Variants in NAV1 observed in about 807,000 individuals in gnomAD.
NAV1 encodes neuron navigator 1.
In NAV1, 18 loss-of-function variants were observed where a neutral mutation model predicts 175.2. That is an observed-to-expected ratio of 0.10 (90% CI 0.07 to 0.15). The LOEUF is 0.15. Ranked by LOEUF, NAV1 falls within the 10% of genes least tolerant of loss-of-function variation. The pLI is 1.00. For missense variants in NAV1, 1,731 were observed against 2,436.6 expected, an observed-to-expected ratio of 0.71 and a Z score of 6.10; for synonymous variants, 897 against 978.7, an observed-to-expected ratio of 0.92 and a Z score of 1.56.
Position 201,687,042 on chromosome 1 carries a change from G to A in NAV1, c.758-25775G>A, listed in dbSNP as rs1215740656. Among the ~76,000 whole-genome samples, 3 of 152,202 alleles carry A rather than the reference G, an allele frequency of 2.0e-5. No homozygotes were observed. In the East Asian group the frequency reaches 5.8e-4, roughly 29 times the overall value. ...GCTCCTTGCCAGCTTCATCTTAAAT[G>A]CTTTTTCCTTTCTCCCTTCAGAAGT... On this transcript the variant is annotated intron_variant, in intron 1 of 29. Coordinates refer to ENST00000367296, the Ensembl canonical transcript of NAV1.
At chr1:201,755,305 G>T (rs769796040) in intron 3 of NAV1, among the ~76,000 whole-genome samples, 2 of 152,192 alleles carry the variant, frequency 1.3e-5, no homozygotes, top group African/African-American at 2.4e-5. Context: ...GCCAGGCATG[G>T]TGGCACAGGC....
chr1:201,565,197 G>A (rs991356149), intron 1 of NAV1, among the ~76,000 whole-genome samples: 1 of 152,030 alleles, frequency 6.6e-6, no homozygotes, highest in African/African-American at 2.4e-5. Flanking sequence ...TTTTAAAAAA[G>A]GTAATAAATG....
chr1:201,600,652 A>T (rs1251170961), intron 2 of NAV1, among the ~76,000 whole-genome samples: 2 of 152,122 alleles, frequency 1.3e-5, no homozygotes, highest in African/African-American at 4.8e-5. Context: ...ATAAAAACTC[A>T]AAAAAATAGG....
chr1:201,782,936 C>G lies in NAV1; in HGVS notation c.2357+67C>G, dbSNP rs1676427720. The G allele has an allele frequency of 7.2e-7, 1 of 1,386,276 alleles. No homozygotes were observed. Among genetic ancestry groups the G allele is most frequent in the Admixed American group, 2.3e-5 (1 of 43,476 alleles). 85.9% of individuals were successfully genotyped at this position (1,386,276 alleles called of 1,614,324 possible). A position where few individuals can be genotyped will look rare whatever the true frequency, so the allele number is the denominator to read the frequency against. On this transcript the variant is annotated intron_variant, in intron 6 of 29. Coordinates refer to ENST00000367296, the Ensembl canonical transcript of NAV1. This position sits in a 1 kb window ranked among gnomAD's most constrained non-coding sequence, Gnocchi z 5.4. ...TCATTCTTTCGCATATCTCTGCCCT[C>G]CTTGGACTAGATGAGGCATGGCCTA...
chr1:201,540,519 G>A (rs1044384986), intron 1 of NAV1, among the ~76,000 whole-genome samples: 3 of 152,184 alleles, frequency 2.0e-5, no homozygotes, highest in East Asian at 1.9e-4. Context: ...TGGAGACTTC[G>A]CAAAAAGAAT....
Position 201,755,930 on chromosome 1 carries a change from C to A in NAV1, c.1227-24491C>A, listed in dbSNP as rs569303698. Reference sequence around the variant, plus strand: ...GACCATCCTGGCCAACATGGTGAAACCCCATCTCTACTAAAAATACAAAAA... The same window carrying A: ...GACCATCCTGGCCAACATGGTGAAAACCCATCTCTACTAAAAATACAAAAA... On this transcript the variant is annotated intron_variant, in intron 3 of 29. Transcript: ENST00000367296. Among the ~76,000 whole-genome samples, 27 of 151,970 alleles carry A rather than the reference C, an allele frequency of 1.8e-4. 2 individuals are homozygous for A. The highest frequency in any genetic ancestry group is 3.9e-4 in the African/African-American group (16 of 41,436).
rs113887793 is a variant in NAV1, at chr1:201,591,296, G to A, written c.-33+2647G>A. Reference sequence around the variant, plus strand: ...GTCACCTGGGGGAGACGAGGCAAGGGAGGGAGGCTGCAGTCATTGTCACCC... The same window carrying A: ...GTCACCTGGGGGAGACGAGGCAAGGAAGGGAGGCTGCAGTCATTGTCACCC... On this transcript the variant is annotated intron_variant, in intron 2 of 33. Transcript: ENST00000685211. Among the ~76,000 whole-genome samples, 469 of 152,308 alleles carry A rather than the reference G, an allele frequency of 3.1e-3. 2 individuals carry two copies. Among genetic ancestry groups the A allele is most frequent in the Non-Finnish European group, 5.1e-3 (346 of 68,028 alleles).
chr1:201,622,616 T>C (rs1389403550), upstream of NAV1, among the ~76,000 whole-genome samples: 1 of 152,100 alleles, frequency 6.6e-6, no homozygotes, highest in Non-Finnish European at 1.5e-5. Flanking sequence ...ACAAAGCACT[T>C]TCCCATATGT....
intron 3 of NAV1, among the ~76,000 whole-genome samples, chr1:201,763,768 A>G (rs898829045): frequency 2.0e-5 from 3 of 152,156 alleles, no homozygotes; most frequent in African/African-American, 7.2e-5. Context: ...TCTCTCCTCT[A>G]CTACCCTGCA....
chr1:201,763,885 A>G (rs558498770), intron 3 of NAV1, among the ~76,000 whole-genome samples: 1 of 152,346 alleles, frequency 6.6e-6, no homozygotes, highest in African/African-American at 2.4e-5. Flanking sequence ...GCAGGGCTGA[A>G]TACTTGTGTA....
At chr1:201,576,846 T>A (rs75982358) in intron 1 of NAV1, among the ~76,000 whole-genome samples, 7,467 of 152,318 alleles carry the variant, frequency 0.049, 205 homozygotes, top group Middle Eastern at 0.071. Flanking sequence ...TGTAGTAATA[T>A]CTCCTCATGG....
intron 7 of NAV1, 59 bp downstream of exon 11, chr1:201,783,911 A>T: frequency 6.8e-7 from 1 of 1,474,670 alleles, no homozygotes; most frequent in Non-Finnish European, 9.1e-7. Context: ...TCATTTTGCC[A>T]TTGGCAATAC....
At chr1:201,756,421 T>A (rs1408069468) in intron 3 of NAV1, among the ~76,000 whole-genome samples, 1 of 152,176 alleles carries the variant, frequency 6.6e-6, no homozygotes, top group Admixed American at 6.5e-5. Context: ...TTTTACCAAC[T>A]CTTCATATTG....
intron 2 of NAV1, among the ~76,000 whole-genome samples, chr1:201,608,250 C>T (rs572766213): frequency 2.0e-5 from 3 of 152,198 alleles, no homozygotes; most frequent in Admixed American, 6.5e-5. Flanking sequence ...TAAGTAGAAC[C>T]GGATTCTGAA....
chr1:201,573,311 A>ATGTG (rs10670603), intron 1 of NAV1, among the ~76,000 whole-genome samples: 1 of 152,002 alleles, frequency 6.6e-6, no homozygotes, highest in African/African-American at 2.4e-5. Context: ...ATCTCCTGAT[A>ATGTG]TGTGTGTGTG....
chr1:201,555,922 C>G (rs548472290), intron 1 of NAV1, among the ~76,000 whole-genome samples: 2 of 151,890 alleles, frequency 1.3e-5, no homozygotes, highest in Non-Finnish European at 2.9e-5. Context: ...TGAGGTCGGC[C>G]TATCTGGAAC....
chr1:201,645,501 T>C (rs968334863), upstream of NAV1, among the ~76,000 whole-genome samples: 4 of 151,912 alleles, frequency 2.6e-5, no homozygotes, highest in Non-Finnish European at 4.4e-5. Context: ...TGTATATGTA[T>C]GTAACAAACC....
chr1:201,784,107 T>A (rs1676531240), intron 7 of NAV1, among the ~76,000 whole-genome samples: 2 of 152,244 alleles, frequency 1.3e-5, no homozygotes, highest in African/African-American at 4.8e-5. Context: ...CAAGATCTCA[T>A]AATTAGGTTA....
rs143487790 is a variant in NAV1, at chr1:201,781,148, G to A, written c.1502G>A (p.Arg501Gln). ...ATGGAACCTGGGACTTCTAAGTGGC[G>A]GAGGGAGCGGCCTGAGAGCTGTGAT... is the stretch of plus-strand genomic sequence containing the variant. The change falls in exon 5 of 30, where the codon CGG (arginine) becomes CAG (glutamine). Residue 501 changes from arginine (R) to glutamine (Q), a missense_variant. Arg to Gln is a conservative substitution (Grantham distance 43, BLOSUM62 1). Transcript: ENST00000367296. 1.3e-4 allele frequency: 216 copies of A among 1,614,066 alleles called. No individual in the cohort carries two copies. Among genetic ancestry groups the A allele is most frequent in the South Asian group, 8.1e-4 (74 of 91,082 alleles).
Sources: gnomAD v4.1 joint callset for allele counts (sites outside exome capture counted in the v4.1 genomes callset) on GRCh38, gnomAD v4.1.1 for gene constraint, Gnocchi (gnomAD v3.1) non-coding constraint, MANE v1.5 for transcripts, NCBI Gene and HGNC (gene_info 2026-07-23, HGNC 2026-07-21) for gene names.